The following MFSD12 variants were observed in gnomAD, a reference collection of about 807,000 sequenced individuals.
MFSD12 encodes major facilitator superfamily domain containing 12.
In MFSD12, 67 loss-of-function variants were observed where a neutral mutation model predicts 51.2. The observed-to-expected ratio is 1.31, with a 90% CI of 1.08 to 1.60. MFSD12 has a LOEUF of 1.60. MFSD12 is among the 40% of genes most tolerant of loss of function. MFSD12 has a pLI of 0.00. For missense variants in MFSD12, 921 were observed against 673.0 expected, an observed-to-expected ratio of 1.37 and a Z score of -4.08; for synonymous variants, 441 against 316.7, an observed-to-expected ratio of 1.39 and a Z score of -4.17.
downstream of MFSD12, chr19:3,539,689 C>G (rs2030201756): frequency 5.7e-6 from 1 of 176,688 alleles, no homozygotes; most frequent in African/African-American, 2.4e-5. Context: ...GCCTTCCTGT[C>G]TGCGTCCAAG....
chr19:3,547,837 C>A lies in MFSD12; in HGVS notation c.837+11G>T. 6.7e-7 allele frequency: 1 copy of A among 1,486,586 alleles called. No homozygotes were observed. The highest frequency in any genetic ancestry group is 8.9e-7 in the Non-Finnish European group (1 of 1,121,348). The allele number at this position is 1,486,586 out of a possible 1,614,324, so 92.1% of individuals were successfully genotyped here. On this transcript the variant is annotated intron_variant, in intron 4 of 9. Coordinates refer to ENST00000355415, the MANE Select transcript of MFSD12 (RefSeq NM_174983.5). Reference sequence around the variant, plus strand: ...AAGGCCCACGCCAGCCCCACCGTCCCCAGCACGCACCTGGTAGAAAGCCGG... The same window carrying A: ...AAGGCCCACGCCAGCCCCACCGTCCACAGCACGCACCTGGTAGAAAGCCGG...
In MFSD12 at chr19:3,546,398, T is replaced by C. The variant is rs373969104; in HGVS notation, c.1051A>G (p.Ile351Val). ...NMTYFSGLLV[I>V]LAFAAWVALA... ...GCCACCCAGGCGGCAAAGGCCAGGATCACCAGGAGGCCTGAGAAGTAGGTC... is the reference window on the plus strand; with the variant it reads ...GCCACCCAGGCGGCAAAGGCCAGGACCACCAGGAGGCCTGAGAAGTAGGTC... The change falls in exon 7 of 10, where the codon ATC becomes GTC. Residue 351 changes from isoleucine (I) to valine (V), a missense_variant. Coordinates refer to ENST00000355415, the MANE Select transcript of MFSD12 (RefSeq NM_174983.5). 3.0e-5 allele frequency: 48 copies of C among 1,607,948 alleles called. No homozygotes were observed. Among genetic ancestry groups the C allele is most frequent in the Non-Finnish European group, 4.1e-5 (48 of 1,177,974 alleles).
rs752865012 is a variant in MFSD12, at chr19:3,538,779, C to G, written c.*6-23G>C. On this transcript the variant is annotated intron_variant, in intron 4 of 4. Coordinates refer to the MFSD12 transcript ENST00000398558. Reference sequence around the variant, plus strand: ...ATCCTGGGTGTATTTTACAAACGGACTGGATGTGAGTGGGTGAGGAGTGAG... The same window carrying G: ...ATCCTGGGTGTATTTTACAAACGGAGTGGATGTGAGTGGGTGAGGAGTGAG... The G allele has an allele frequency of 5.7e-6, 3 of 525,602 alleles. 1 individual carries two copies. The highest frequency in any genetic ancestry group is 4.5e-5 in the South Asian group (3 of 67,412). The allele number at this position is 525,602 out of a possible 1,614,324, so 32.6% of individuals were successfully genotyped here. A position where few individuals can be genotyped will look rare whatever the true frequency, so the allele number is the denominator to read the frequency against.
At chr19:3,550,409 T>G (rs1463243136) in intron 2 of MFSD12, among the ~76,000 whole-genome samples, 2 of 151,764 alleles carry the variant, frequency 1.3e-5, no homozygotes, top group Non-Finnish European at 2.9e-5. Flanking sequence ...TTTTTTTTTT[T>G]GAGACGGAAT....
downstream of MFSD12, chr19:3,542,731 C>G: frequency 2.3e-6 from 3 of 1,318,226 alleles, no homozygotes; most frequent in Non-Finnish European, 3.0e-6. Flanking sequence ...GATCCACCTG[C>G]CTCAGCCTCC....
At chr19:3,545,251 G>A (rs752374969) in intron 8 of MFSD12, among the ~76,000 whole-genome samples, 9 of 152,114 alleles carry the variant, frequency 5.9e-5, no homozygotes, top group South Asian at 2.1e-4. Flanking sequence ...CTGTCCTCCC[G>A]GCAGCAACCA....
chr19:3,546,677 A>C (rs1038467568), intron 6 of MFSD12, among the ~76,000 whole-genome samples: 3 of 152,218 alleles, frequency 2.0e-5, no homozygotes, highest in Non-Finnish European at 4.4e-5. Context: ...AGTTACAACG[A>C]AAGCAAACGA....
In MFSD12 at chr19:3,544,380, C is replaced by T. The variant is rs574705954; in HGVS notation, c.*330G>A. On this transcript the variant is annotated 3_prime_UTR_variant, in exon 10 of 10. Transcript: ENST00000355415. ...CCCCAGGCTGGAGGTGAGGGGTGAA[C>T]TGGACTGAGCTCAGGGTTAGGGTTC... 5.4e-6 allele frequency: 7 copies of T among 1,288,578 alleles called. No homozygotes were observed. The highest frequency in any genetic ancestry group is 6.9e-6 in the Non-Finnish European group (7 of 1,018,208). 79.8% of individuals were successfully genotyped at this position (1,288,578 alleles called of 1,614,324 possible).
At position 3,545,794 on chromosome 19, in the gene MFSD12, G is replaced by C. The variant is rs537840393; in HGVS notation, c.1289+280C>G. ...CTGAACCCTGAGTTCTGTGGGTCTG[G>C]GTTACACGGACTCGGGGCTCCCTTC... On this transcript the variant is annotated intron_variant, in intron 8 of 9. Coordinates refer to ENST00000355415, the MANE Select transcript of MFSD12 (RefSeq NM_174983.5). Among the ~76,000 whole-genome samples, 26 of 152,328 alleles carry C rather than the reference G, an allele frequency of 1.7e-4. No homozygotes were observed. The South Asian group carries it at 5.4e-3, about 32-fold the overall frequency.
Position 3,544,651 on chromosome 19 carries a change from G to T in MFSD12, c.*59C>A. On this transcript the variant is annotated 3_prime_UTR_variant, in exon 10 of 10. Coordinates refer to ENST00000355415, the MANE Select transcript of MFSD12 (RefSeq NM_174983.5). ...GTGGGGGCTTTTCCCCAAGGCCCTG[G>T]GGGGCATCCTCGTGCGTCCCCACAG... 6.5e-7 allele frequency: 1 copy of T among 1,546,758 alleles called. No homozygotes were observed. The highest frequency in any genetic ancestry group is 8.8e-7 in the Non-Finnish European group (1 of 1,141,888).
At chr19:3,547,734 G>C (rs2031191765) in intron 4 of MFSD12, 114 bp downstream of exon 4, 1 of 1,309,190 alleles carries the variant, frequency 7.6e-7, no homozygotes, top group South Asian at 1.5e-5. Context: ...CCCTGGGTGT[G>C]GGCTGCACCA....
downstream of MFSD12, chr19:3,539,333 TGTTTG>T (rs1432358281): frequency 6.2e-6 from 5 of 810,484 alleles, no homozygotes; most frequent in Non-Finnish European, 7.4e-6. Context: ...GGTTACATGG[TGTTTG>T]GTTTGGGGTC....
At chr19:3,543,392 C>T (rs1198945528), downstream of MFSD12, 22 of 1,548,738 alleles carry the variant, frequency 1.4e-5, no homozygotes, top group Admixed American at 2.0e-5. Context: ...CAACCTGCCA[C>T]GGGCCCCGGC....
chr19:3,544,721 C>A lies in MFSD12; in HGVS notation c.1432G>T (p.Ala478Ser). 1 of 1,580,072 alleles carries A rather than the reference C, an allele frequency of 6.3e-7. No homozygotes were observed. Among genetic ancestry groups the A allele is most frequent in the Non-Finnish European group, 8.6e-7 (1 of 1,159,456 alleles). Residue 478 changes from alanine (A) to serine (S), a missense_variant, in exon 10 of 10, where the codon GCC (alanine) becomes TCC (serine). Coordinates refer to ENST00000355415, the MANE Select transcript of MFSD12 (RefSeq NM_174983.5). ...GAGGCTGTCAGGAGTCAGGGCCGGGCATCACGGTCCCCTGCAAGGGAGGGG... is the reference window on the plus strand; with the variant it reads ...GAGGCTGTCAGGAGTCAGGGCCGGGAATCACGGTCCCCTGCAAGGGAGGGG... ...PTRLRRWDRDARP is the reference protein window; with the variant it reads ...PTRLRRWDRDSRP
At position 3,544,910 on chromosome 19, in the gene MFSD12, C is replaced by G; in HGVS notation, c.1319G>C (p.Ser440Thr). 1 of 1,611,026 alleles carries G rather than the reference C, an allele frequency of 6.2e-7. No homozygotes were observed. The highest frequency in any genetic ancestry group is 8.5e-7 in the Non-Finnish European group (1 of 1,179,380). Residue 440 changes from serine (S) to threonine (T), a missense_variant, in exon 9 of 10, where the codon AGC becomes ACC. Transcript: ENST00000355415. The stretch of plus-strand genomic sequence containing the variant: ...AGCCACCATCGCCCAGTGGTAAAAG[C>G]TCACGCAGGCCCTGCAGCAGAGCTC... ...PSELCCRACV[S>T]FYHWAMVAVT...
At chr19:3,543,803 C>G (rs1404437966), downstream of MFSD12, 19 of 1,503,444 alleles carry the variant, frequency 1.3e-5, no homozygotes, top group Non-Finnish European at 1.5e-5. Context: ...GGTGGGGGCA[C>G]ATGGTGACCC....
At position 3,546,188 on chromosome 19, in the gene MFSD12, G is replaced by A; in HGVS notation, c.1195-20C>T. On this transcript the variant is annotated intron_variant, in intron 7 of 9. Transcript: ENST00000355415. Reference sequence around the variant, plus strand: ...GCTGTTCTGTGGAGACACAGGCGAGGTGGTCAGCGTGCACCCCGAGATCTA... The same window carrying A: ...GCTGTTCTGTGGAGACACAGGCGAGATGGTCAGCGTGCACCCCGAGATCTA... The A allele has an allele frequency of 6.2e-6, 10 of 1,611,160 alleles. No homozygotes were observed. The highest frequency in any genetic ancestry group is 8.5e-6 in the Non-Finnish European group (10 of 1,178,634).
At chr19:3,539,091 G>C (rs965845226) in intron 4 of MFSD12, 13 of 820,324 alleles carry the variant, frequency 1.6e-5, no homozygotes, top group Non-Finnish European at 2.6e-5. Flanking sequence ...AGTGGTCAGC[G>C]TGGTTGCCGA....
At chr19:3,542,171 G>A, downstream of MFSD12, 2 of 985,384 alleles carry the variant, frequency 2.0e-6, no homozygotes, top group Non-Finnish European at 2.4e-6. Flanking sequence ...CATTTCAAAA[G>A]GGTGAGGTTC....
Sources: gnomAD v4.1 joint callset for allele counts (sites outside exome capture counted in the v4.1 genomes callset) on GRCh38, gnomAD v4.1.1 for gene constraint, MANE v1.5 for transcripts, NCBI Gene and HGNC (gene_info 2026-07-23, HGNC 2026-07-21) for gene names.